The following PHKB variants were observed in gnomAD, a reference collection of about 807,000 sequenced individuals.
PHKB encodes the protein phosphorylase kinase regulatory subunit beta.
A neutral mutation model predicts 152.1 loss-of-function variants in PHKB; 122 were observed. The observed-to-expected ratio is 0.80, with a 90% CI of 0.69 to 0.93. PHKB has a LOEUF of 0.93. PHKB is among the 40% of genes least tolerant of loss of function. The pLI, the probability that PHKB is intolerant of heterozygous loss-of-function variation, is 0.00. For synonymous variants in PHKB, 436 were observed against 464.9 expected (o/e 0.94, Z 0.80); for missense variants, 1,304 against 1,328.4 (o/e 0.98, Z 0.29).
chr16:47,517,537 G>C (rs1483843300), intron 6 of PHKB, among the ~76,000 whole-genome samples: 2 of 152,060 alleles, frequency 1.3e-5, no homozygotes, highest in Non-Finnish European at 2.9e-5. Context: ...GATTACATCT[G>C]GGAGCCACTG....
intron 1 of PHKB, among the ~76,000 whole-genome samples, chr16:47,489,405 T>C (rs1970107289): frequency 6.6e-6 from 1 of 152,248 alleles, no homozygotes; most frequent in South Asian, 2.1e-4. Context: ...CAAATCATGA[T>C]AGGACTGAGT....
At position 47,701,102 on chromosome 16, in the gene PHKB, T is replaced by A. The variant is rs2142115929; in HGVS notation, c.*1736T>A. On this transcript the variant is annotated 3_prime_UTR_variant, in exon 31 of 31. Coordinates refer to ENST00000323584, the MANE Select transcript of PHKB (RefSeq NM_000293.3). ...GAAGGGTGAAGCTAATTTGTAAAAC[T>A]AATGCCTGAAAAAAACGTAAGCATG... The A allele has an allele frequency of 6.6e-6, 1 of 152,170 alleles. No homozygotes were observed. The highest frequency in any genetic ancestry group is 2.1e-4 in the South Asian group (1 of 4,812). 9.4% of individuals were successfully genotyped at this position (152,170 alleles called of 1,614,324 possible). A position where few individuals can be genotyped will look rare whatever the true frequency, so the allele number is the denominator to read the frequency against.
intron 1 of PHKB, among the ~76,000 whole-genome samples, chr16:47,465,652 A>C (rs1392791417): frequency 2.0e-5 from 3 of 152,216 alleles, no homozygotes; most frequent in African/African-American, 4.8e-5. Flanking sequence ...GTATCTGTTA[A>C]AATAATAAGT....
chr16:47,687,001 C>T (rs1487283307), intron 26 of PHKB, among the ~76,000 whole-genome samples: 1 of 152,090 alleles, frequency 6.6e-6, no homozygotes, highest in South Asian at 2.1e-4. Context: ...TAAAACAAGA[C>T]TCATGGTATT....
chr16:47,672,754 T>G (rs904869943), intron 26 of PHKB, among the ~76,000 whole-genome samples: 3 of 152,178 alleles, frequency 2.0e-5, no homozygotes, highest in African/African-American at 7.2e-5. Context: ...ACCTGATGCT[T>G]CTTTCTATTC....
chr16:47,518,869 G>A (rs974406231), intron 6 of PHKB, among the ~76,000 whole-genome samples: 13 of 152,068 alleles, frequency 8.5e-5, no homozygotes, highest in Admixed American at 3.3e-4. Context: ...GCTACGTGGC[G>A]TTCCATGTCT....
At chr16:47,500,054 C>CTT (rs56912954) in intron 3 of PHKB, among the ~76,000 whole-genome samples, 160 bp downstream of exon 3, 8 of 147,292 alleles carry the variant, frequency 5.4e-5, no homozygotes, top group African/African-American at 1.2e-4. Flanking sequence ...TTTTCATTTT[C>CTT]TTTTTTTTTT....
At chr16:47,612,893 AAT>A (rs1391318451) in intron 14 of PHKB, among the ~76,000 whole-genome samples, 1 of 152,136 alleles carries the variant, frequency 6.6e-6, no homozygotes, top group African/African-American at 2.4e-5. Flanking sequence ...GGACTGATGA[AAT>A]AGAGTGGTCA....
intron 14 of PHKB, among the ~76,000 whole-genome samples, chr16:47,626,898 C>T (rs1246224408): frequency 6.6e-6 from 1 of 152,200 alleles, no homozygotes; most frequent in Non-Finnish European, 1.5e-5. Context: ...CCCCTCCCAT[C>T]TCTGACATTT....
intron 12 of PHKB, among the ~76,000 whole-genome samples, chr16:47,594,568 T>G (rs1281008222): frequency 2.6e-5 from 4 of 152,230 alleles, no homozygotes; most frequent in Non-Finnish European, 5.9e-5. Context: ...GGAGAGGTTC[T>G]GCTCTTGTCT....
At chr16:47,465,698 G>T (rs1969656610) in intron 1 of PHKB, among the ~76,000 whole-genome samples, 1 of 152,192 alleles carries the variant, frequency 6.6e-6, no homozygotes, top group Non-Finnish European at 1.5e-5. Flanking sequence ...ACTTTGCATT[G>T]TGTTTTGAAT....
At chr16:47,661,916 C>A (rs1016517213) in intron 23 of PHKB, 116 bp downstream of exon 23, 8 of 761,380 alleles carry the variant, frequency 1.1e-5, no homozygotes, top group Non-Finnish European at 1.4e-5. Flanking sequence ...TTTCATTAAA[C>A]CTTCTTTTTC....
intron 26 of PHKB, among the ~76,000 whole-genome samples, chr16:47,678,221 A>T: frequency 6.6e-6 from 1 of 152,096 alleles, no homozygotes. Flanking sequence ...ATAGTGCCAC[A>T]ATAAACATAT....
intron 26 of PHKB, among the ~76,000 whole-genome samples, chr16:47,683,418 G>C (rs1352097105): frequency 6.6e-6 from 1 of 152,192 alleles, no homozygotes; most frequent in Non-Finnish European, 1.5e-5. Flanking sequence ...CCACCCATTT[G>C]GAGCTTCCTG....
intron 26 of PHKB, among the ~76,000 whole-genome samples, chr16:47,683,948 GTCTTA>G (rs1466485002): frequency 6.6e-6 from 1 of 151,630 alleles, no homozygotes; most frequent in Non-Finnish European, 1.5e-5. Flanking sequence ...GCAGATCCTT[GTCTTA>G]TCTTGAAATC....
At chr16:47,609,869 T>C (rs1972394830) in intron 13 of PHKB, among the ~76,000 whole-genome samples, 1 of 152,208 alleles carries the variant, frequency 6.6e-6, no homozygotes, top group Non-Finnish European at 1.5e-5. Context: ...AAACTACTTT[T>C]GATTTTCTTG....
intron 26 of PHKB, among the ~76,000 whole-genome samples, chr16:47,674,107 A>G (rs1309890695): frequency 6.6e-6 from 1 of 151,794 alleles, no homozygotes; most frequent in East Asian, 1.9e-4. Context: ...TTTATGATCC[A>G]TATTGTATTC....
chr16:47,658,136 C>T (rs1435933729), intron 20 of PHKB, among the ~76,000 whole-genome samples: 1 of 152,282 alleles, frequency 6.6e-6, no homozygotes, highest in East Asian at 1.9e-4. Flanking sequence ...CTGATTTCAT[C>T]TCCTACCAGC....
chr16:47,647,540 C>G (rs1489964822), intron 16 of PHKB, among the ~76,000 whole-genome samples: 1 of 151,894 alleles, frequency 6.6e-6, no homozygotes, highest in East Asian at 1.9e-4. Context: ...CTCTGTTGCC[C>G]AGGCTGGAGT....
Sources: gnomAD v4.1 joint callset for allele counts (sites outside exome capture counted in the v4.1 genomes callset) on GRCh38, gnomAD v4.1.1 for gene constraint, MANE v1.5 for transcripts, NCBI Gene and HGNC (gene_info 2026-07-23, HGNC 2026-07-21) for gene names.